The following NELL1 variants were observed in gnomAD, a reference collection of about 807,000 sequenced individuals.
NELL1 encodes the protein neural EGFL like 1, also known as protein kinase C-binding protein NELL1.
Under a neutral mutation model 107.4 loss-of-function variants are expected in NELL1, and 76 were observed. The ratio of observed to expected loss-of-function variants is 0.71; its 90% CI spans 0.59 to 0.86. The LOEUF is 0.86. Among genes scored for constraint, NELL1 ranks in the 40% least tolerant of loss-of-function variants. The pLI is 0.00. For missense variants in NELL1, 1,024 were observed against 1,005.5 expected (o/e 1.02, Z -0.25); for synonymous variants, 353 against 341.2 (o/e 1.03, Z -0.38).
intron 10 of NELL1, among the ~76,000 whole-genome samples, chr11:20,939,361 C>A (rs1008514804): frequency 1.3e-5 from 2 of 151,384 alleles, no homozygotes; most frequent in Non-Finnish European, 2.9e-5. Flanking sequence ...AAGGCCAGAC[C>A]AGGCTTGATA....
At chr11:21,181,770 C>A (rs1856831488) in intron 13 of NELL1, among the ~76,000 whole-genome samples, 1 of 151,740 alleles carries the variant, frequency 6.6e-6, no homozygotes, top group African/African-American at 2.4e-5. Context: ...ATTGCAGAAA[C>A]CTTAAATCTT....
chr11:21,504,337 A>C (rs1855227501), intron 15 of NELL1: 1 of 152,232 alleles, frequency 6.6e-6, no homozygotes, highest in Admixed American at 6.5e-5. Context: ...TGATCCTCAC[A>C]TTAGCACCAT....
At chr11:20,990,749 A>G (rs1236760015) in intron 12 of NELL1, among the ~76,000 whole-genome samples, 1 of 152,212 alleles carries the variant, frequency 6.6e-6, no homozygotes, top group Non-Finnish European at 1.5e-5. Flanking sequence ...GTAATGATTT[A>G]GATAGCAACA....
chr11:21,090,583 G>A (rs1449766316), intron 12 of NELL1, among the ~76,000 whole-genome samples: 1 of 152,158 alleles, frequency 6.6e-6, no homozygotes, highest in Non-Finnish European at 1.5e-5. Context: ...CTGGTATATT[G>A]AGCAAGACAA....
At chr11:21,036,964 C>T (rs2134325402) in intron 12 of NELL1, among the ~76,000 whole-genome samples, 1 of 151,976 alleles carries the variant, frequency 6.6e-6, no homozygotes, top group South Asian at 2.1e-4. Flanking sequence ...GTTCTACTTA[C>T]TTTCACTCAT....
At chr11:21,271,976 C>T (rs1423656170) in intron 14 of NELL1, among the ~76,000 whole-genome samples, 1 of 152,094 alleles carries the variant, frequency 6.6e-6, no homozygotes, top group Non-Finnish European at 1.5e-5. Context: ...CCAGCATGAG[C>T]GATGCAGAAG....
chr11:20,971,023 C>T (rs1310108238), intron 12 of NELL1, among the ~76,000 whole-genome samples: 1 of 152,116 alleles, frequency 6.6e-6, no homozygotes, highest in Non-Finnish European at 1.5e-5. Context: ...CATGGCCTTG[C>T]TTTGTGTCTG....
intron 13 of NELL1, among the ~76,000 whole-genome samples, chr11:21,184,495 T>G (rs567091888): frequency 2.0e-5 from 3 of 151,654 alleles, no homozygotes; most frequent in Non-Finnish European, 4.4e-5. Flanking sequence ...GTCTCAAACT[T>G]CTGACCCCAA....
At chr11:21,212,661 T>G (rs1271085399) in intron 13 of NELL1, among the ~76,000 whole-genome samples, 1 of 152,164 alleles carries the variant, frequency 6.6e-6, no homozygotes, top group Non-Finnish European at 1.5e-5. Context: ...GGCCCTCACT[T>G]TCTCCCAAAT....
chr11:21,074,449 T>C (rs1306303463), intron 12 of NELL1, among the ~76,000 whole-genome samples: 1 of 152,152 alleles, frequency 6.6e-6, no homozygotes, highest in Admixed American at 6.6e-5. Flanking sequence ...TAGGCAGAGG[T>C]TGTAGAAACT....
At chr11:20,960,409 AC>A in intron 11 of NELL1, 22 bp from the exon 12 acceptor site, 1 of 1,610,432 alleles carries the variant, frequency 6.2e-7, no homozygotes, top group Non-Finnish European at 8.5e-7. Flanking sequence ...TTTCTGATGT[AC>A]GTTTTTATTT....
intron 15 of NELL1, among the ~76,000 whole-genome samples, chr11:21,420,979 G>C (rs1852651983): frequency 1.3e-5 from 2 of 152,040 alleles, no homozygotes; most frequent in African/African-American, 2.4e-5. Context: ...CAAGATAAAT[G>C]AGACAAAGCA....
chr11:21,560,065 C>A, intron 16 of NELL1, 124 bp from the exon 17 acceptor site: 1 of 869,540 alleles, frequency 1.2e-6, no homozygotes, highest in Non-Finnish European at 1.9e-6. Context: ...ATGTGAACAG[C>A]TTGGCAGTAC....
intron 12 of NELL1, among the ~76,000 whole-genome samples, chr11:20,969,644 C>T (rs757743896): frequency 4.0e-5 from 6 of 149,816 alleles, no homozygotes; most frequent in Non-Finnish European, 3.0e-5. Flanking sequence ...CCTGACAACT[C>T]TCAGGGGAGT....
intron 2 of NELL1, among the ~76,000 whole-genome samples, chr11:20,709,455 A>G (rs545391344): frequency 7.2e-5 from 11 of 152,162 alleles, no homozygotes; most frequent in Admixed American, 4.6e-4. Flanking sequence ...TTGTAGTACA[A>G]TTTGAAGTTG....
At chr11:21,358,422 C>CA (rs1211298484) in intron 14 of NELL1, among the ~76,000 whole-genome samples, 6 of 151,806 alleles carry the variant, frequency 4.0e-5, no homozygotes, top group South Asian at 2.1e-4. Flanking sequence ...TTTTTTGAGG[C>CA]AGAGTCTTGC....
chr11:21,500,895 C>A (rs886574592), intron 15 of NELL1, among the ~76,000 whole-genome samples: 1 of 152,112 alleles, frequency 6.6e-6, no homozygotes, highest in African/African-American at 2.4e-5. Context: ...GTGTAAGACT[C>A]AAACTCATAT....
At chr11:21,329,646 C>T (rs1043940485) in intron 14 of NELL1, among the ~76,000 whole-genome samples, 19 of 151,934 alleles carry the variant, frequency 1.3e-4, no homozygotes, top group African/African-American at 4.3e-4. Context: ...TACATATAAG[C>T]CTTTTTAAAG....
intron 3 of NELL1, among the ~76,000 whole-genome samples, chr11:20,814,138 GGC>G (rs1367678605): frequency 5.3e-5 from 8 of 151,652 alleles, no homozygotes; most frequent in South Asian, 2.1e-4. Flanking sequence ...TGGGACTACA[GGC>G]GCACACCGCC....
Sources: gnomAD v4.1 joint callset for allele counts (sites outside exome capture counted in the v4.1 genomes callset) on GRCh38, gnomAD v4.1.1 for gene constraint, MANE v1.5 for transcripts, NCBI Gene and HGNC (gene_info 2026-07-23, HGNC 2026-07-21) for gene names.